The following ANKRD65 variants were observed in gnomAD, a reference collection of about 807,000 sequenced individuals.
The protein encoded by ANKRD65 is ankyrin repeat domain 65.
ANKRD65 carries 26 observed loss-of-function variants against 17.2 expected under a neutral mutation model. The ratio of observed to expected loss-of-function variants is 1.51; its 90% CI spans 1.11 to 2.09. The LOEUF is 2.09. Ranked by LOEUF, ANKRD65 falls within the 30% of genes most tolerant of loss-of-function variation. ANKRD65 has a pLI of 0.00. For synonymous variants in ANKRD65, 311 were observed against 272.2 expected (o/e 1.14, Z -1.40); for missense variants, 621 against 542.2 (o/e 1.15, Z -1.44).
Position 1,418,927 on chromosome 1 carries a change from G to A in ANKRD65, c.*173C>T. 1 of 700,464 alleles carries A rather than the reference G, an allele frequency of 1.4e-6. No individual in the cohort carries two copies. The highest frequency in any genetic ancestry group is 2.8e-5 in the East Asian group (1 of 35,826). The allele number at this position is 700,464 out of a possible 1,614,324, so 43.4% of individuals were successfully genotyped here. ...GGTCAGTGGGCCCTCCTGGGAGCTG[G>A]GGGCCATCCCTGGTCCAGCCAAGGC... On this transcript the variant is annotated 3_prime_UTR_variant, in exon 4 of 4. Coordinates refer to ENST00000537107, the MANE Select transcript of ANKRD65 (RefSeq NM_001145210.3).
rs1210515849 is a variant in ANKRD65 at position 1,419,028 on chromosome 1, T to G, written c.*72A>C. ...CGGAAGCCTCTTCCCTGATGTCCCC[T>G]CCAGGCAGGCAGCCTCAGCCAGAGA... On this transcript the variant is annotated 3_prime_UTR_variant, in exon 4 of 4. Coordinates refer to ENST00000537107, the MANE Select transcript of ANKRD65 (RefSeq NM_001145210.3). 5 of 1,427,726 alleles carry G rather than the reference T, an allele frequency of 3.5e-6. No homozygotes were observed. The highest frequency in any genetic ancestry group is 4.6e-6 in the Non-Finnish European group (5 of 1,077,274). The allele number at this position is 1,427,726 out of a possible 1,614,324, so 88.4% of individuals were successfully genotyped here.
chr1:1,419,293 T>G lies in ANKRD65; in HGVS notation c.1007A>C (p.Lys336Thr). The part of the protein sequence containing the change: ...AQVDATGWLR[K>T]TPLHLAAERG... The stretch of plus-strand genomic sequence containing the variant: ...CTCTGCAGCCAGGTGTAGGGGGGTC[T>G]TTCGGAGCCAGCCGGTAGCATCCAC... Residue 336 changes from lysine to threonine, a missense_variant, in exon 4 of 4, where the codon AAG becomes ACG. Lys to Thr is a moderately conservative substitution (Grantham distance 78). Transcript: ENST00000537107. The G allele has an allele frequency of 6.5e-7, 1 of 1,550,368 alleles. No homozygotes were observed. Among genetic ancestry groups the G allele is most frequent in the Non-Finnish European group, 8.7e-7 (1 of 1,146,850 alleles).
chr1:1,419,911 G>T, intron 3 of ANKRD65, 141 bp downstream of exon 3: 1 of 951,036 alleles, frequency 1.1e-6, no homozygotes, highest in Non-Finnish European at 1.4e-6. Context: ...TACACCGGAG[G>T]GGCACAGCCG....
In ANKRD65 at chr1:1,420,097, C is replaced by G; in HGVS notation, c.705G>C (p.Ala235=). 6 of 1,279,172 alleles carry G rather than the reference C, an allele frequency of 4.7e-6. No individual in the cohort carries two copies. Among genetic ancestry groups the G allele is most frequent in the African/African-American group, 1.6e-5 (1 of 64,146 alleles). The allele number at this position is 1,279,172 out of a possible 1,614,324, so 79.2% of individuals were successfully genotyped here. Residue 235 remains alanine, a synonymous_variant, in exon 3 of 4, where the codon GCG becomes GCC. Coordinates refer to ENST00000537107, the MANE Select transcript of ANKRD65 (RefSeq NM_001145210.3). ...RGARVDARDG[A]GATALGLAAA... is the part of the protein sequence containing the mutation. The stretch of plus-strand genomic sequence containing the variant: ...CCGCCAGACCCAGCGCTGTGGCCCC[C>G]GCGCCATCCCGGGCGTCCACCCGCG...
rs1645546165 is a variant in ANKRD65, at chr1:1,420,927, C to T, written c.79G>A (p.Glu27Lys). ...CCCTCTGTCCTGGTTCCCAGGGCCT[C>T]TTCGGAGTCCAGCTCCATCCACCGC... The part of the protein sequence containing the change: ...ELRWMELDSE[E>K]ALGTRTEGPS... Residue 27 changes from glutamate to lysine, a missense_variant, in exon 2 of 4, where the codon GAG (glutamate) becomes AAG (lysine). Transcript: ENST00000537107. 1 of 1,550,648 alleles carries T rather than the reference C, an allele frequency of 6.4e-7. No individual in the cohort carries two copies. The highest frequency in any genetic ancestry group is 1.4e-5 in the African/African-American group (1 of 73,064).
Position 1,421,136 on chromosome 1 carries a change from A to G in ANKRD65, c.-4T>C. 1 of 923,408 alleles carries G rather than the reference A, an allele frequency of 1.1e-6. No homozygotes were observed. The highest frequency in any genetic ancestry group is 1.6e-6 in the Non-Finnish European group (1 of 615,302). The allele number at this position is 923,408 out of a possible 1,614,324, so 57.2% of individuals were successfully genotyped here. ...CAGAGGGGCTTGGCTCTGTTACCCA[A>G]GGGAGCTGGCTCAGGAGCTTTCTGC... On this transcript the variant is annotated 5_prime_UTR_variant, in exon 1 of 4. Transcript: ENST00000537107.
chr1:1,419,993 T>C, intron 3 of ANKRD65, 59 bp downstream of exon 3: 1 of 1,225,206 alleles, frequency 8.2e-7, no homozygotes, highest in Non-Finnish European at 1.0e-6. Context: ...GTGGCACGTC[T>C]CTGGGGATCC....
intron 1 of ANKRD65, 58 bp downstream of exon 1, chr1:1,421,075 A>C: frequency 6.9e-7 from 1 of 1,456,300 alleles, no homozygotes. Context: ...GTCCCAGGCC[A>C]ACTGGAGCCC....
intron 3 of ANKRD65, among the ~76,000 whole-genome samples, 151 bp from the exon 4 acceptor site, chr1:1,419,700 G>A (rs1329033922): frequency 6.6e-6 from 1 of 152,214 alleles, no homozygotes; most frequent in Non-Finnish European, 1.5e-5. Flanking sequence ...CGAACCCAAG[G>A]CTGGCCTGCT....
intron 1 of ANKRD65, 34 bp from the exon 2 acceptor site, chr1:1,421,039 G>GCCAC: frequency 3.9e-6 from 6 of 1,544,774 alleles, no homozygotes; most frequent in Non-Finnish European, 5.3e-6. Context: ...ATCCACTGTG[G>GCCAC]AGGCCTCTGG....
chr1:1,420,712 G>A, intron 2 of ANKRD65, 85 bp downstream of exon 2: 1 of 1,197,566 alleles, frequency 8.4e-7, no homozygotes, highest in Non-Finnish European at 1.1e-6. Flanking sequence ...ATCCAGAGAA[G>A]GGACTCCTCC....
Position 1,420,144 on chromosome 1 carries a change from G to C in ANKRD65, c.658C>G (p.Arg220Gly). The change falls in exon 3 of 4, where the codon CGC (arginine) becomes GGC (glycine). Residue 220 changes from arginine to glycine, a missense_variant. Arg to Gly is a moderately radical substitution (Grantham distance 125). Transcript: ENST00000537107. ...CGCGCCCCGCGCGCCAGGAGGAAGC[G>C]CAGCGCCGCCCCGCGCCCCGCAGCG... is the stretch of plus-strand genomic sequence containing the variant. ...AAAAGRGAAL[R>G]FLLARGARVD... The C allele has an allele frequency of 2.5e-6, 3 of 1,212,682 alleles. No individual in the cohort carries two copies. The highest frequency in any genetic ancestry group is 3.1e-6 in the Non-Finnish European group (3 of 975,190). The allele number at this position is 1,212,682 out of a possible 1,614,324, so 75.1% of individuals were successfully genotyped here.
At position 1,419,072 on chromosome 1, in the gene ANKRD65, C is replaced by A. The variant is rs1406975283; in HGVS notation, c.*28G>T. ...CCAGAGAGCCTGGAAATCACTGGGG[C>A]GGTGGAGCCTGGAGCCTGCTGTCTG... On this transcript the variant is annotated 3_prime_UTR_variant, in exon 4 of 4. Coordinates refer to ENST00000537107, the MANE Select transcript of ANKRD65 (RefSeq NM_001145210.3). 5.5e-6 allele frequency: 8 copies of A among 1,462,264 alleles called. No homozygotes were observed. In the South Asian group the frequency reaches 5.7e-5, roughly 10 times the overall value. 90.6% of individuals were successfully genotyped at this position (1,462,264 alleles called of 1,614,324 possible).
Position 1,420,166 on chromosome 1 carries a change from A to G in ANKRD65, c.636T>C (p.Ala212=), listed in dbSNP as rs1645521733. The change falls in exon 3 of 4, where the codon GCT becomes GCC. Residue 212 remains alanine (A), a synonymous_variant. Transcript: ENST00000537107. ...GLDGALLVAA[A]AGRGAALRFL... is the part of the protein sequence containing the mutation. ...AGCGCAGCGCCGCCCCGCGCCCCGC[A>G]GCGGCAGCCACGAGCAGGGCGCCGT... 3 of 1,124,806 alleles carry G rather than the reference A, an allele frequency of 2.7e-6. No homozygotes were observed. Among genetic ancestry groups the G allele is most frequent in the Non-Finnish European group, 3.3e-6 (3 of 921,910 alleles). The allele number at this position is 1,124,806 out of a possible 1,614,324, so 69.7% of individuals were successfully genotyped here. A position where few individuals can be genotyped will look rare whatever the true frequency, so the allele number is the denominator to read the frequency against.
Position 1,420,045 on chromosome 1 carries a change from G to A in ANKRD65, c.750+7C>T, listed in dbSNP as rs1645517399. ...CCCATCACTGCCGGGCGGAGGGCGGGACGTACCTGGGAGCGGCCTAGGGCG... is the reference window on the plus strand; with the variant it reads ...CCCATCACTGCCGGGCGGAGGGCGGAACGTACCTGGGAGCGGCCTAGGGCG... On this transcript the variant is annotated splice_region_variant and intron_variant, in intron 3 of 3. Transcript: ENST00000537107. 7.9e-7 allele frequency: 1 copy of A among 1,273,408 alleles called. No individual in the cohort carries two copies. The highest frequency in any genetic ancestry group is 2.5e-5 in the South Asian group (1 of 40,540). 78.9% of individuals were successfully genotyped at this position (1,273,408 alleles called of 1,614,324 possible). A position where few individuals can be genotyped will look rare whatever the true frequency, so the allele number is the denominator to read the frequency against.
In ANKRD65 at chr1:1,420,032, G is replaced by C. The variant is rs1645516917; in HGVS notation, c.750+20C>G. 2 of 1,265,748 alleles carry C rather than the reference G, an allele frequency of 1.6e-6. No individual in the cohort carries two copies. The highest frequency in any genetic ancestry group is 2.0e-6 in the Non-Finnish European group (2 of 1,005,026). 78.4% of individuals were successfully genotyped at this position (1,265,748 alleles called of 1,614,324 possible). A position where few individuals can be genotyped will look rare whatever the true frequency, so the allele number is the denominator to read the frequency against. The stretch of plus-strand genomic sequence containing the variant: ...CCCTGCGCCCCCTCCCATCACTGCC[G>C]GGCGGAGGGCGGGACGTACCTGGGA... On this transcript the variant is annotated intron_variant, in intron 3 of 3. Coordinates refer to ENST00000537107, the MANE Select transcript of ANKRD65 (RefSeq NM_001145210.3).
chr1:1,420,499 G>A lies in ANKRD65; in HGVS notation c.303C>T (p.Gly101=). ...CGGTGCGCCCCGCCCGGTCCACCGC[G>A]CCCACCGGGGCCCCTCGCTGCAGCA... ...RLLLQRGAPV[G]AVDRAGRTAL... Residue 101 remains glycine, a synonymous_variant, in exon 3 of 4, where the codon GGC becomes GGT. Coordinates refer to ENST00000537107, the MANE Select transcript of ANKRD65 (RefSeq NM_001145210.3). 2 of 1,270,134 alleles carry A rather than the reference G, an allele frequency of 1.6e-6. No homozygotes were observed. The highest frequency in any genetic ancestry group is 1.6e-5 in the African/African-American group (1 of 64,184). 78.7% of individuals were successfully genotyped at this position (1,270,134 alleles called of 1,614,324 possible). A position where few individuals can be genotyped will look rare whatever the true frequency, so the allele number is the denominator to read the frequency against.
In ANKRD65 at chr1:1,419,072, C is replaced by G; in HGVS notation, c.*28G>C. The G allele has an allele frequency of 6.8e-7, 1 of 1,462,382 alleles. No individual in the cohort carries two copies. The highest frequency in any genetic ancestry group is 2.5e-5 in the Admixed American group (1 of 40,098). The allele number at this position is 1,462,382 out of a possible 1,614,324, so 90.6% of individuals were successfully genotyped here. ...CCAGAGAGCCTGGAAATCACTGGGG[C>G]GGTGGAGCCTGGAGCCTGCTGTCTG... On this transcript the variant is annotated 3_prime_UTR_variant, in exon 4 of 4. Coordinates refer to ENST00000537107, the MANE Select transcript of ANKRD65 (RefSeq NM_001145210.3).
rs1645532599 is a variant in ANKRD65, at chr1:1,420,466, G to C, written c.336C>G (p.His112Gln). 3 of 1,283,664 alleles carry C rather than the reference G, an allele frequency of 2.3e-6. No homozygotes were observed. Among genetic ancestry groups the C allele is most frequent in the East Asian group, 6.6e-5 (2 of 30,402 alleles). The allele number at this position is 1,283,664 out of a possible 1,614,324, so 79.5% of individuals were successfully genotyped here. Reference sequence around the variant, plus strand: ...GCGAGTGTCCGTGCCAGGCGGCCTCGTGCAGCGCGGTGCGCCCCGCCCGGT... The same window carrying C: ...GCGAGTGTCCGTGCCAGGCGGCCTCCTGCAGCGCGGTGCGCCCCGCCCGGT... ...AVDRAGRTALHEAAWHGHSRV... is the reference protein window; with the variant it reads ...AVDRAGRTALQEAAWHGHSRV... The change falls in exon 3 of 4, where the codon CAC becomes CAG. Residue 112 changes from histidine to glutamine, a missense_variant. Coordinates refer to ENST00000537107, the MANE Select transcript of ANKRD65 (RefSeq NM_001145210.3).
Sources: allele counts gnomAD v4.1 joint callset (sites outside exome capture counted in the v4.1 genomes callset), GRCh38; gene constraint gnomAD v4.1.1; transcripts MANE v1.5; gene names NCBI Gene and HGNC (gene_info 2026-07-23, HGNC 2026-07-21).